The following ATXN7L1 variants were observed in gnomAD, a reference collection of about 807,000 sequenced individuals.
ATXN7L1 encodes ataxin-7-like protein 1.
In ATXN7L1, 15 loss-of-function variants were observed where a neutral mutation model predicts 70.8. The observed-to-expected ratio is 0.21, with a 90% CI of 0.14 to 0.33. The LOEUF (loss-of-function observed/expected upper bound fraction) is 0.33. Ranked by LOEUF, ATXN7L1 falls within the 10% of genes least tolerant of loss-of-function variation. ATXN7L1 has a pLI of 1.00. For missense variants in ATXN7L1, 975 were observed against 1,097.1 expected (o/e 0.89, Z 1.57); for synonymous variants, 440 against 445.1 (o/e 0.99, Z 0.14).
At chr7:105,650,298 T>C (rs147717207) in intron 4 of ATXN7L1, among the ~76,000 whole-genome samples, 1 of 152,334 alleles carries the variant, frequency 6.6e-6, no homozygotes, top group Non-Finnish European at 1.5e-5. Flanking sequence ...GCGGTGTGTC[T>C]GGAAAAATAT....
At chr7:105,771,754 T>C (rs11974378) in intron 3 of ATXN7L1, among the ~76,000 whole-genome samples, 10,148 of 152,248 alleles carry the variant, frequency 0.067, 410 homozygotes, top group African/African-American at 0.11. Flanking sequence ...AGACAGAGAT[T>C]GTGGATAACT....
intron 4 of ATXN7L1, among the ~76,000 whole-genome samples, chr7:105,645,672 G>C (rs1798889632): frequency 6.6e-6 from 1 of 151,668 alleles, no homozygotes; most frequent in Non-Finnish European, 1.5e-5. Context: ...AATTAGCCAG[G>C]CGTGGCAGCG....
At chr7:105,627,656 C>T (rs1044891350) in intron 7 of ATXN7L1, among the ~76,000 whole-genome samples, 1 of 151,502 alleles carries the variant, frequency 6.6e-6, no homozygotes, top group Non-Finnish European at 1.5e-5. Context: ...CTTAGCATCC[C>T]GAGTAGCTGG....
intron 3 of ATXN7L1, among the ~76,000 whole-genome samples, chr7:105,775,429 C>A (rs1054323203): frequency 6.6e-6 from 1 of 152,168 alleles, no homozygotes; most frequent in Non-Finnish European, 1.5e-5. Context: ...GGCAAGCCTG[C>A]ACACAGGTTT....
At chr7:105,697,255 G>A (rs1791842481) in intron 3 of ATXN7L1, among the ~76,000 whole-genome samples, 1 of 152,206 alleles carries the variant, frequency 6.6e-6, no homozygotes, top group African/African-American at 2.4e-5. Flanking sequence ...GGAGCGCTAT[G>A]GGAGACTGGA....
At chr7:105,697,766 T>G (rs1015467543) in intron 3 of ATXN7L1, among the ~76,000 whole-genome samples, 2 of 152,194 alleles carry the variant, frequency 1.3e-5, no homozygotes, top group African/African-American at 4.8e-5. Flanking sequence ...TACAAAAGTA[T>G]TAATTTGGGG....
intron 3 of ATXN7L1, among the ~76,000 whole-genome samples, chr7:105,674,701 C>A (rs892991354): frequency 2.6e-5 from 4 of 152,220 alleles, no homozygotes; most frequent in African/African-American, 9.6e-5. Context: ...TCCAGAGCTG[C>A]TGTGAAGTCA....
chr7:105,849,103 A>T (rs1472141377), intron 2 of ATXN7L1, among the ~76,000 whole-genome samples: 9 of 152,166 alleles, frequency 5.9e-5, no homozygotes, highest in Admixed American at 5.9e-4. Flanking sequence ...GAATTTGACC[A>T]TTATTGCACC....
chr7:105,750,760 G>A (rs1230026962), intron 3 of ATXN7L1, among the ~76,000 whole-genome samples: 2 of 152,094 alleles, frequency 1.3e-5, no homozygotes, highest in East Asian at 1.9e-4. Flanking sequence ...CCAAGATTGC[G>A]CCATTGGACC....
intron 2 of ATXN7L1, among the ~76,000 whole-genome samples, chr7:105,792,605 G>A (rs1415785733): frequency 6.6e-6 from 1 of 152,162 alleles, no homozygotes; most frequent in African/African-American, 2.4e-5. Context: ...AAAACGTTCG[G>A]TGCACAGTTA....
At chr7:105,867,372 C>T (rs1037664206) in intron 2 of ATXN7L1, among the ~76,000 whole-genome samples, 2 of 152,148 alleles carry the variant, frequency 1.3e-5, no homozygotes, top group Non-Finnish European at 2.9e-5. Context: ...TTCACCAATG[C>T]GATGTGGTAC....
chr7:105,783,447 G>A (rs1803827947), intron 3 of ATXN7L1, among the ~76,000 whole-genome samples: 2 of 152,136 alleles, frequency 1.3e-5, no homozygotes, highest in South Asian at 4.1e-4. Context: ...TGAGATGACT[G>A]GTGGCTGGCG....
At chr7:105,680,387 C>T (rs907222534) in intron 3 of ATXN7L1, among the ~76,000 whole-genome samples, 2 of 152,210 alleles carry the variant, frequency 1.3e-5, no homozygotes, top group African/African-American at 4.8e-5. Flanking sequence ...CATGACTGGA[C>T]TTCTGGGTTC....
intron 10 of ATXN7L1, among the ~76,000 whole-genome samples, chr7:105,611,525 C>T (rs574450087): frequency 1.3e-5 from 2 of 152,332 alleles, no homozygotes; most frequent in East Asian, 3.9e-4. Context: ...GCACGTGCCA[C>T]CCCACCCAGC....
intron 3 of ATXN7L1, among the ~76,000 whole-genome samples, chr7:105,739,959 T>G (rs1215713215): frequency 6.6e-6 from 1 of 152,212 alleles, no homozygotes; most frequent in East Asian, 1.9e-4. Flanking sequence ...GTTCAAACAT[T>G]TTTGACTGCA....
chr7:105,633,488 T>A (rs921905432), intron 7 of ATXN7L1, among the ~76,000 whole-genome samples: 3 of 152,022 alleles, frequency 2.0e-5, no homozygotes, highest in Admixed American at 6.6e-5. Context: ...GAGGCTGAGG[T>A]GGGTGGATCA....
chr7:105,676,178 C>T (rs776512356), intron 3 of ATXN7L1, among the ~76,000 whole-genome samples: 18 of 152,316 alleles, frequency 1.2e-4, no homozygotes, highest in Admixed American at 3.9e-4. Flanking sequence ...CTCTTCATAA[C>T]ATGAGGCCTT....
At chr7:105,648,549 G>A (rs1293211158) in intron 4 of ATXN7L1, among the ~76,000 whole-genome samples, 1 of 152,210 alleles carries the variant, frequency 6.6e-6, no homozygotes, top group Admixed American at 6.5e-5. Context: ...CAGAGATGAT[G>A]CTTTTTGAGC....
At chr7:105,795,077 C>A (rs1012116655) in intron 2 of ATXN7L1, among the ~76,000 whole-genome samples, 2 of 152,204 alleles carry the variant, frequency 1.3e-5, no homozygotes, top group Non-Finnish European at 1.5e-5. Flanking sequence ...ACTCTCACAG[C>A]CTTCCTCCCG....
Sources: gnomAD v4.1 joint callset for allele counts (sites outside exome capture counted in the v4.1 genomes callset) on GRCh38, gnomAD v4.1.1 for gene constraint, MANE v1.5 for transcripts, NCBI Gene and HGNC (gene_info 2026-07-23, HGNC 2026-07-21) for gene names.